Variants in THRAP3 observed in about 807,000 individuals in gnomAD.
THRAP3 encodes thyroid hormone receptor-associated protein 3.
In THRAP3, 16 loss-of-function variants were observed where a neutral mutation model predicts 101.0. The observed-to-expected ratio is 0.16, with a 90% CI of 0.11 to 0.24. THRAP3 has a LOEUF of 0.24. Among genes scored for constraint, THRAP3 ranks in the 10% least tolerant of loss-of-function variants. THRAP3 has a pLI of 1.00. For synonymous variants in THRAP3, 407 were observed against 422.6 expected, an observed-to-expected ratio of 0.96 and a Z score of 0.45; for missense variants, 989 against 1,202.7, an observed-to-expected ratio of 0.82 and a Z score of 2.63.
rs1645833516 is a variant in THRAP3, at chr1:36,289,236, G to C, written c.1217G>C (p.Ser406Thr). ...KTDSEKPFRG[S>T]QSPKRYKLRD... ...GATTCTGAGAAGCCTTTTCGGGGCAGTCAGTCTCCCAAAAGGTATAAGCTC... is the reference window on the plus strand; with the variant it reads ...GATTCTGAGAAGCCTTTTCGGGGCACTCAGTCTCCCAAAAGGTATAAGCTC... The change falls in exon 5 of 12, where the codon AGT becomes ACT. Residue 406 changes from serine to threonine, a missense_variant. Transcript: ENST00000354618. 1 of 1,614,158 alleles carries C rather than the reference G, an allele frequency of 6.2e-7. No individual in the cohort carries two copies. Among genetic ancestry groups the C allele is most frequent in the Non-Finnish European group, 8.5e-7 (1 of 1,180,042 alleles).
intron 8 of THRAP3, among the ~76,000 whole-genome samples, chr1:36,295,287 CT>C (rs746652907): frequency 2.1e-5 from 3 of 144,670 alleles, no homozygotes; most frequent in Admixed American, 6.8e-5. Context: ...TGCTGTTAAA[CT>C]TTTTTTTTTA....
intron 1 of THRAP3, among the ~76,000 whole-genome samples, chr1:36,251,087 TA>T (rs1251666351): frequency 5.3e-5 from 8 of 152,006 alleles, no homozygotes; most frequent in Admixed American, 6.6e-5. Flanking sequence ...TAAAAATGGT[TA>T]AAATGGGCAG....
chr1:36,237,484 A>T (rs1645104697), intron 1 of THRAP3, among the ~76,000 whole-genome samples: 1 of 150,978 alleles, frequency 6.6e-6, no homozygotes, highest in Non-Finnish European at 1.5e-5. Context: ...AAAAAAAAAA[A>T]AAAAGGCTGG....
Position 36,292,832 on chromosome 1 carries a change from G to A in THRAP3, c.2030+123G>A. ...ACAAAATTTACAGTAACATCCTTCAGACTCTAAGAGAGCTATAGGCATTTA... is the reference window on the plus strand; with the variant it reads ...ACAAAATTTACAGTAACATCCTTCAAACTCTAAGAGAGCTATAGGCATTTA... On this transcript the variant is annotated intron_variant, in intron 7 of 11. Coordinates refer to ENST00000354618, the MANE Select transcript of THRAP3 (RefSeq NM_005119.4). 4 of 670,648 alleles carry A rather than the reference G, an allele frequency of 6.0e-6. No homozygotes were observed. The South Asian group carries it at 8.3e-5, about 14-fold the overall frequency. The allele number at this position is 670,648 out of a possible 1,614,324, so 41.5% of individuals were successfully genotyped here.
At chr1:36,295,917 C>T (rs1378010092) in intron 8 of THRAP3, among the ~76,000 whole-genome samples, 11 of 149,174 alleles carry the variant, frequency 7.4e-5, no homozygotes, top group African/African-American at 2.5e-4. Flanking sequence ...GCCAGCCCAA[C>T]CACCTACTTT....
intron 1 of THRAP3, among the ~76,000 whole-genome samples, chr1:36,234,618 A>G (rs1022127104): frequency 2.0e-5 from 3 of 152,154 alleles, no homozygotes; most frequent in Non-Finnish European, 4.4e-5. Context: ...GGGTTTGTTT[A>G]TTATGAAAGC....
rs1390358004 is a variant in THRAP3 at position 36,304,498 on chromosome 1, T to C, written c.*481T>C. On this transcript the variant is annotated 3_prime_UTR_variant, in exon 12 of 12. Coordinates refer to ENST00000354618, the MANE Select transcript of THRAP3 (RefSeq NM_005119.4). Reference sequence around the variant, plus strand: ...GGCATATGTAGTAATATTAGAAACATTTAATTTGGGAAACTTTGATTCTTG... The same window carrying C: ...GGCATATGTAGTAATATTAGAAACACTTAATTTGGGAAACTTTGATTCTTG... 2 of 219,206 alleles carry C rather than the reference T, an allele frequency of 9.1e-6. No homozygotes were observed. Among genetic ancestry groups the C allele is most frequent in the Admixed American group, 1.2e-4 (2 of 17,130 alleles). 13.6% of individuals were successfully genotyped at this position (219,206 alleles called of 1,614,324 possible). A position where few individuals can be genotyped will look rare whatever the true frequency, so the allele number is the denominator to read the frequency against.
In THRAP3 at chr1:36,267,649, A is replaced by AAAAATTAAAAAACTAACTCGGCTGGGCAC. The variant is rs1557432612; in HGVS notation, c.-32+8165_-32+8166insAAAATTAAAAAACTAACTCGGCTGGGCAC. 4.3e-5 allele frequency among the ~76,000 whole-genome samples: 3 copies of AAAAATTAAAAAACTAACTCGGCTGGGCAC among 69,448 alleles called. 1 individual carries two copies. Among genetic ancestry groups the AAAAATTAAAAAACTAACTCGGCTGGGCAC allele is most frequent in the Non-Finnish European group, 1.2e-4 (3 of 25,668 alleles). The allele number at this position is 69,448 out of a possible 152,430, so 45.6% of individuals were successfully genotyped here. ...AGAAAGCAATTAGTAATAGTCAAAC[A>AAAAATTAAAAAACTAACTCGGCTGGGCAC]GGAGGCCAGAGCAGATTCTTTTGTT... On this transcript the variant is annotated intron_variant, in intron 2 of 11. Coordinates refer to ENST00000354618, the MANE Select transcript of THRAP3 (RefSeq NM_005119.4).
intron 6 of THRAP3, 120 bp downstream of exon 6, chr1:36,291,666 G>C: frequency 9.0e-7 from 1 of 1,112,984 alleles, no homozygotes; most frequent in Non-Finnish European, 1.3e-6. Flanking sequence ...TTTGAAGCTA[G>C]GGGCTGGCTT....
At position 36,276,988 on chromosome 1, in the gene THRAP3, GATGGAGTTTC is replaced by G. The variant is rs1474002938; in HGVS notation, c.-31-5541_-31-5532del. On this transcript the variant is annotated intron_variant, in intron 2 of 11. Transcript: ENST00000354618. ...TTTTTATTTTATTCTTATGTTTTGA[GATGGAGTTTC>G]ATGCTTATTGCCCAGGCTGGAGTGT... is the stretch of plus-strand genomic sequence containing the variant. Among the ~76,000 whole-genome samples the G allele has an allele frequency of 5.3e-5, 8 of 152,172 alleles. No individual in the cohort carries two copies. The East Asian group carries it at 1.5e-3, about 29-fold the overall frequency.
In THRAP3 at chr1:36,301,081, C is replaced by G. The variant is rs928031344; in HGVS notation, c.2499C>G (p.Thr833=). The G allele has an allele frequency of 6.2e-7, 1 of 1,613,888 alleles. No homozygotes were observed. Among genetic ancestry groups the G allele is most frequent in the South Asian group, 1.1e-5 (1 of 91,046 alleles). Residue 833 remains threonine (T), a synonymous_variant, in exon 10 of 12, where the codon ACC becomes ACG. Transcript: ENST00000354618. ...GAGGAGGTGGCAGAGCTCGAGGAACCTTTGTAAGACCTTCCCCTCTCCCCC... is the reference window on the plus strand; with the variant it reads ...GAGGAGGTGGCAGAGCTCGAGGAACGTTTGTAAGACCTTCCCCTCTCCCCC... ...SERGGGRARG[T]FQFRARGRGW...
chr1:36,245,849 AC>A (rs1239151062), intron 1 of THRAP3, among the ~76,000 whole-genome samples: 1 of 152,064 alleles, frequency 6.6e-6, no homozygotes, highest in Non-Finnish European at 1.5e-5. Context: ...TCCTCCCCAC[AC>A]CCACCAAAAT....
intron 4 of THRAP3, 46 bp from the exon 5 acceptor site, chr1:36,289,014 C>A: frequency 6.7e-7 from 1 of 1,497,290 alleles, no homozygotes; most frequent in Non-Finnish European, 8.9e-7. Context: ...TTAGAGCATG[C>A]TGTTAAGAAG....
chr1:36,232,440 ACTC>A (rs1415524600), intron 1 of THRAP3, among the ~76,000 whole-genome samples: 1 of 151,832 alleles, frequency 6.6e-6, no homozygotes, highest in African/African-American at 2.4e-5. Flanking sequence ...CTATAATAGT[ACTC>A]CTCTTCAAAA....
At chr1:36,208,954 A>C in the THRAP3 span, among the ~76,000 whole-genome samples, 1 of 129,196 alleles carries the variant, frequency 7.7e-6, no homozygotes, top group African/African-American at 2.9e-5. Flanking sequence ...GACGTGAGCC[A>C]CCATGTCCAG....
intron 9 of THRAP3, among the ~76,000 whole-genome samples, chr1:36,299,169 G>A (rs10908292): frequency 0.88 from 134,236 of 152,046 alleles, 61,677 homozygotes; most frequent in Non-Finnish European, 1. Context: ...GGCCGGATGC[G>A]GTGGCTCACG....
intron 2 of THRAP3, among the ~76,000 whole-genome samples, chr1:36,280,936 T>A (rs1017771436): frequency 4.6e-5 from 7 of 151,878 alleles, no homozygotes; most frequent in South Asian, 2.1e-4. Flanking sequence ...TATTTATTTT[T>A]TTTTTTGAGA....
rs1553121666 is a variant in THRAP3 at position 36,270,571 on chromosome 1, G to GGTTTTTTT, written c.-32+11087_-32+11088insGTTTTTTT. Among the ~76,000 whole-genome samples the GGTTTTTTT allele has an allele frequency of 1.6e-3, 50 of 31,880 alleles. 2 individuals carry two copies. Among genetic ancestry groups the GGTTTTTTT allele is most frequent in the African/African-American group, 3.2e-3 (45 of 14,184 alleles). The allele number at this position is 31,880 out of a possible 152,430, so 20.9% of individuals were successfully genotyped here. A position where few individuals can be genotyped will look rare whatever the true frequency, so the allele number is the denominator to read the frequency against. The stretch of plus-strand genomic sequence containing the variant: ...TAAAAATACAGTTCTATTTGTTTAG[G>GGTTTTTTT]TTTTTGTTTTTTTTTTTTTTTTTGA... On this transcript the variant is annotated intron_variant, in intron 2 of 11. Transcript: ENST00000354618.
Position 36,289,676 on chromosome 1 carries a change from G to T in THRAP3, c.1657G>T (p.Asp553Tyr), listed in dbSNP as rs755087291. ...ESRDKLGAKG[D>Y]FPTGKSSFSI... is the part of the protein sequence containing the mutation. ...CCGAGACAAGCTGGGAGCGAAAGGA[G>T]ATTTTCCCACAGGAAAGTCTTCCTT... The change falls in exon 5 of 12, where the codon GAT (aspartate) becomes TAT (tyrosine). Residue 553 changes from aspartate to tyrosine, a missense_variant. Asp to Tyr is a radical substitution (Grantham distance 160, BLOSUM62 -3). Coordinates refer to ENST00000354618, the MANE Select transcript of THRAP3 (RefSeq NM_005119.4). The T allele has an allele frequency of 2.5e-6, 4 of 1,614,158 alleles. No individual in the cohort carries two copies. The highest frequency in any genetic ancestry group is 3.4e-6 in the Non-Finnish European group (4 of 1,180,024).
Sources: gnomAD v4.1 joint callset for allele counts (sites outside exome capture counted in the v4.1 genomes callset) on GRCh38, gnomAD v4.1.1 for gene constraint, MANE v1.5 for transcripts, NCBI Gene and HGNC (gene_info 2026-07-23, HGNC 2026-07-21) for gene names.